The following ADCY5 variants were observed in gnomAD, a reference collection of about 807,000 sequenced individuals.
The protein encoded by ADCY5 is adenylate cyclase type 5.
A neutral mutation model predicts 119.7 loss-of-function variants in ADCY5; 30 were observed. The ratio of observed to expected loss-of-function variants is 0.25; its 90% CI spans 0.19 to 0.34. The LOEUF is 0.34. Ranked by LOEUF, ADCY5 falls within the 10% of genes least tolerant of loss-of-function variation. The pLI is 1.00. For synonymous variants in ADCY5, 753 were observed against 762.2 expected, an observed-to-expected ratio of 0.99 and a Z score of 0.20; for missense variants, 1,324 against 1,775.2, an observed-to-expected ratio of 0.75 and a Z score of 4.57.
chr3:123,303,029 C>A (rs781655321), intron 14 of ADCY5, 26 bp downstream of exon 14: 3 of 1,610,742 alleles, frequency 1.9e-6, no homozygotes, highest in Admixed American at 3.3e-5. Flanking sequence ...TTCAGCACTC[C>A]CTTCCAGCCC....
chr3:123,423,221 C>CGCTGGGCACGAGCCCAA (rs989158506), intron 1 of ADCY5, among the ~76,000 whole-genome samples: 6 of 152,196 alleles, frequency 3.9e-5, no homozygotes, highest in African/African-American at 1.2e-4. Context: ...CTCATGCCCA[C>CGCTGGGCACGAGCCCAA]GCTGGGCACG....
In ADCY5 at chr3:123,448,190, CGCTGCCGGCG is replaced by C; in HGVS notation, c.346_355del (p.Arg116GlyfsTer119). The C allele has an allele frequency of 8.2e-7, 1 of 1,223,176 alleles. No homozygotes were observed. The highest frequency in any genetic ancestry group is 1.0e-6 in the Non-Finnish European group (1 of 983,334). The allele number at this position is 1,223,176 out of a possible 1,614,324, so 75.8% of individuals were successfully genotyped here. A position where few individuals can be genotyped will look rare whatever the true frequency, so the allele number is the denominator to read the frequency against. ...GCTGCCCCCGCTGGCCGCGCCCCGC[CGCTGCCGGCG>C]GCTGCCGCGACCGCAGTCGTCGCCG... On this transcript the variant is annotated frameshift_variant, in exon 1 of 21. Coordinates refer to ENST00000462833, the MANE Select transcript of ADCY5 (RefSeq NM_183357.3). LOFTEE classifies it high-confidence loss of function.
At chr3:123,309,102 A>G (rs1248779158) in intron 12 of ADCY5, among the ~76,000 whole-genome samples, 2 of 152,226 alleles carry the variant, frequency 1.3e-5, no homozygotes, top group Non-Finnish European at 2.9e-5. Flanking sequence ...TTAATAAACC[A>G]TGATTGGGGT....
intron 1 of ADCY5, among the ~76,000 whole-genome samples, chr3:123,425,127 G>C (rs1397367359): frequency 6.6e-6 from 1 of 152,170 alleles, no homozygotes; most frequent in Non-Finnish European, 1.5e-5. Context: ...GTGCACACAG[G>C]TTATGGATGG....
chr3:123,408,396 G>A (rs868506766), intron 1 of ADCY5, among the ~76,000 whole-genome samples: 50 of 139,674 alleles, frequency 3.6e-4, no homozygotes, highest in Admixed American at 7.3e-4. Context: ...GGTGGCTCAC[G>A]CCTGTAATCC....
At position 123,416,272 on chromosome 3, in the gene ADCY5, C is replaced by T. The variant is rs546431117; in HGVS notation, c.1134+31140G>A. 15 of 1,536,138 alleles carry T rather than the reference C, an allele frequency of 9.8e-6. No individual in the cohort carries two copies. The East Asian group carries it at 3.7e-4, about 38-fold the overall frequency. ...GCCCTCTTTCTGAGACTTCATTCCT[C>T]AGGACTTACTTCCAGACGCTTCCCC... On this transcript the variant is annotated intron_variant, in intron 1 of 20. Transcript: ENST00000462833.
At chr3:123,395,334 C>T (rs1461311358) in intron 1 of ADCY5, among the ~76,000 whole-genome samples, 1 of 152,196 alleles carries the variant, frequency 6.6e-6, no homozygotes, top group Non-Finnish European at 1.5e-5. Flanking sequence ...TGCCCATCCT[C>T]CTTCACAGCA....
At chr3:123,324,560 G>C (rs1941383388) in intron 8 of ADCY5, among the ~76,000 whole-genome samples, 1 of 152,112 alleles carries the variant, frequency 6.6e-6, no homozygotes. Context: ...TGCCTGAGGG[G>C]CAGAAGCCAA....
chr3:123,345,735 G>GAGAC lies in ADCY5; in HGVS notation c.1406+2043_1406+2046dup, dbSNP rs770505529. On this transcript the variant is annotated intron_variant, in intron 3 of 20. Transcript: ENST00000462833. ...GTGGCTCCTCAGTCACAGAGACAGA[G>GAGAC]AGACAGACAGACAGACAGACAGACA... Among the ~76,000 whole-genome samples the GAGAC allele has an allele frequency of 3.5e-3, 500 of 144,238 alleles. 8 individuals are homozygous for GAGAC. Among genetic ancestry groups the GAGAC allele is most frequent in the African/African-American group, 0.012 (469 of 37,924 alleles). 94.6% of individuals were successfully genotyped at this position (144,238 alleles called of 152,430 possible). A position where few individuals can be genotyped will look rare whatever the true frequency, so the allele number is the denominator to read the frequency against.
At chr3:123,353,768 G>C (rs2108502887) in intron 1 of ADCY5, among the ~76,000 whole-genome samples, 1 of 152,246 alleles carries the variant, frequency 6.6e-6, no homozygotes. Context: ...CTTCTCTAGG[G>C]GCCTCTTGGC....
At chr3:123,345,877 T>C (rs1045213589) in intron 3 of ADCY5, among the ~76,000 whole-genome samples, 1 of 152,052 alleles carries the variant, frequency 6.6e-6, no homozygotes, top group African/African-American at 2.4e-5. Flanking sequence ...CCAGATTCCT[T>C]GGACACACTC....
Position 123,303,893 on chromosome 3 carries a change from G to GAAGAGAAGAGAAGAGAAAAGAA in ADCY5, c.2559+173_2559+174insTTCTTTTCTCTTCTCTTCTCTT, listed in dbSNP as rs746945989. Among the ~76,000 whole-genome samples, 7 of 117,248 alleles carry GAAGAGAAGAGAAGAGAAAAGAA rather than the reference G, an allele frequency of 6.0e-5. No individual in the cohort carries two copies. The East Asian group carries it at 1.3e-3, about 21-fold the overall frequency. 76.9% of individuals were successfully genotyped at this position (117,248 alleles called of 152,430 possible). A position where few individuals can be genotyped will look rare whatever the true frequency, so the allele number is the denominator to read the frequency against. On this transcript the variant is annotated intron_variant, in intron 13 of 20. Coordinates refer to ENST00000462833, the MANE Select transcript of ADCY5 (RefSeq NM_183357.3). ...GAAGAGAAGAGAAGAGAAGAGAAGAGAAGAAAGAACTTGTGTGAGGCACAT... is the reference window on the plus strand; with the variant it reads ...GAAGAGAAGAGAAGAGAAGAGAAGAGAAGAGAAGAGAAGAGAAAAGAAAAGAAAGAACTTGTGTGAGGCACAT...
At chr3:123,290,098 A>T in intron 18 of ADCY5, 144 bp from the exon 19 acceptor site, 1 of 800,054 alleles carries the variant, frequency 1.2e-6, no homozygotes, top group Non-Finnish European at 2.0e-6. Flanking sequence ...CTCCATCCTC[A>T]TCAGTGTGAT....
intron 17 of ADCY5, among the ~76,000 whole-genome samples, chr3:123,292,024 A>AT (rs967310283): frequency 1.3e-5 from 2 of 152,054 alleles, no homozygotes; most frequent in African/African-American, 4.8e-5. Context: ...GGTCTATGGG[A>AT]TTTTTTGGTC....
At chr3:123,382,049 C>T (rs114539413) in intron 1 of ADCY5, among the ~76,000 whole-genome samples, 2,246 of 152,290 alleles carry the variant, frequency 0.015, 49 homozygotes, top group African/African-American at 0.051. Flanking sequence ...CCCTGTTGTC[C>T]CTCTGCTCCA....
intron 1 of ADCY5, among the ~76,000 whole-genome samples, chr3:123,442,318 A>G (rs565353693): frequency 6.6e-5 from 10 of 152,116 alleles, no homozygotes; most frequent in Non-Finnish European, 1.3e-4. Context: ...CCATCACGGG[A>G]GGCTCCCTCC....
rs554422877 is a variant in ADCY5 at position 123,429,547 on chromosome 3, A to G, written c.1134+17865T>C. Among the ~76,000 whole-genome samples, 9 of 151,906 alleles carry G rather than the reference A, an allele frequency of 5.9e-5. No individual in the cohort carries two copies. In the East Asian group the frequency reaches 1.7e-3, roughly 29 times the overall value. ...CACCCCCACCTGCCAATCACGCAGC[A>G]TCCTGAAGGCTTCTTCACTCGGGGC... On this transcript the variant is annotated intron_variant, in intron 1 of 20. Transcript: ENST00000462833.
At chr3:123,398,608 C>A (rs1362376248) in intron 1 of ADCY5, among the ~76,000 whole-genome samples, 2 of 152,128 alleles carry the variant, frequency 1.3e-5, no homozygotes, top group Admixed American at 6.5e-5. Flanking sequence ...CTTATCAGAT[C>A]AAATCTAAAT....
intron 1 of ADCY5, among the ~76,000 whole-genome samples, chr3:123,369,994 G>A (rs1332369486): frequency 1.3e-5 from 2 of 152,214 alleles, no homozygotes; most frequent in Non-Finnish European, 2.9e-5. Flanking sequence ...GGGAAGCACT[G>A]ACTGCCTTAA....
Sources: allele counts gnomAD v4.1 joint callset (sites outside exome capture counted in the v4.1 genomes callset), GRCh38; gene constraint gnomAD v4.1.1; transcripts MANE v1.5; gene names NCBI Gene and HGNC (gene_info 2026-07-23, HGNC 2026-07-21).